PSG5: variants seen among roughly 807,000 people sequenced by gnomAD.
The protein encoded by PSG5 is pregnancy specific beta-1-glycoprotein 5.
Under a neutral mutation model 37.7 loss-of-function variants are expected in PSG5, and 53 were observed. The observed-to-expected ratio is 1.41, with a 90% CI of 1.13 to 1.77. PSG5 has a LOEUF of 1.77. Ranked by LOEUF, PSG5 falls within the 40% of genes most tolerant of loss-of-function variation. The pLI, the probability that PSG5 is intolerant of heterozygous loss-of-function variation, is 0.00. For synonymous variants in PSG5, 221 were observed against 155.4 expected (o/e 1.42, Z -3.14); for missense variants, 547 against 405.2 (o/e 1.35, Z -3.00).
intron 2 of PSG5, among the ~76,000 whole-genome samples, chr19:43,176,715 T>C (rs62115018): frequency 1.3e-5 from 2 of 150,440 alleles, no homozygotes; most frequent in Admixed American, 6.7e-5. Context: ...AGTTCAGTCA[T>C]CAGCCAGTGG....
At chr19:43,183,459 G>A (rs765463771) in intron 2 of PSG5, 1 of 529,782 alleles carries the variant, frequency 1.9e-6, no homozygotes, top group South Asian at 1.4e-5. Context: ...CTGGGCCTGT[G>A]CTGGAGCAGG....
At chr19:43,177,127 T>A (rs1365513633) in intron 2 of PSG5, among the ~76,000 whole-genome samples, 2 of 151,594 alleles carry the variant, frequency 1.3e-5, no homozygotes, top group African/African-American at 4.9e-5. Context: ...ATTCGACTAC[T>A]CTAGGGACCT....
chr19:43,174,520 A>G, intron 4 of PSG5: 1 of 801,970 alleles, frequency 1.2e-6, no homozygotes, highest in South Asian at 5.6e-5. Context: ...AACCTCATAC[A>G]ACCGGTGACT....
Position 43,185,267 on chromosome 19 carries a change from A to AAC in PSG5, c.65-122_65-121dup, listed in dbSNP as rs374205959. On this transcript the variant is annotated intron_variant, in intron 1 of 5. Transcript: ENST00000342951. ...AGCCTTGAAGACACACACACACACA[A>AAC]ACACACACACACACAAAAGGTGCAT... 9.3e-4 allele frequency: 1,103 copies of AAC among 1,182,958 alleles called. 14 individuals carry two copies. The African/African-American group carries it at 0.013, about 14-fold the overall frequency. 73.3% of individuals were successfully genotyped at this position (1,182,958 alleles called of 1,614,324 possible).
chr19:43,182,733 G>A (rs1304963710), intron 2 of PSG5, among the ~76,000 whole-genome samples: 1 of 97,462 alleles, frequency 1.0e-5, no homozygotes, highest in African/African-American at 4.2e-5. Context: ...TGTGCAGGAG[G>A]CCAGAAGATC....
At position 43,175,335 on chromosome 19, in the gene PSG5, A is replaced by G; in HGVS notation, c.844T>C (p.Ser282Pro). Reference protein sequence around the residue: ...FWTINGKFQQSGQKLSIPQIT... With the variant: ...FWTINGKFQQPGQKLSIPQIT... Reference sequence around the variant, plus strand: ...TGGGGGATAGAGAGCTTTTGTCCTGATTGCTGAAACTTCCCATTAATTGTC... The same window carrying G: ...TGGGGGATAGAGAGCTTTTGTCCTGGTTGCTGAAACTTCCCATTAATTGTC... Residue 282 changes from serine to proline, a missense_variant, in exon 4 of 6, where the codon TCA (serine) becomes CCA (proline). Ser to Pro is a moderately conservative substitution (Grantham distance 74). Transcript: ENST00000342951. 2 of 1,612,784 alleles carry G rather than the reference A, an allele frequency of 1.2e-6. No individual in the cohort carries two copies. The highest frequency in any genetic ancestry group is 4.5e-5 in the East Asian group (2 of 44,876).
intron 5 of PSG5, among the ~76,000 whole-genome samples, chr19:43,169,449 G>A (rs1968857050): frequency 1.3e-5 from 2 of 151,552 alleles, no homozygotes; most frequent in Admixed American, 6.6e-5. Flanking sequence ...ACATAGCATT[G>A]GAACTAAGAA....
intron 4 of PSG5, among the ~76,000 whole-genome samples, chr19:43,171,821 A>G (rs910537859): frequency 1.3e-5 from 2 of 151,174 alleles, no homozygotes; most frequent in African/African-American, 4.9e-5. Flanking sequence ...ATAAAAAACC[A>G]ATTAACTGGG....
chr19:43,173,525 A>G (rs1328521624), intron 4 of PSG5, among the ~76,000 whole-genome samples: 1 of 151,668 alleles, frequency 6.6e-6, no homozygotes, highest in African/African-American at 2.4e-5. Flanking sequence ...CAAAAACCCA[A>G]TTAAAAAATG....
At chr19:43,176,990 G>A (rs185502686) in intron 2 of PSG5, among the ~76,000 whole-genome samples, 1 of 151,704 alleles carries the variant, frequency 6.6e-6, no homozygotes, top group Non-Finnish European at 1.5e-5. Context: ...TGGTAGAAAG[G>A]GTGGGAATGA....
intron 1 of PSG5, among the ~76,000 whole-genome samples, chr19:43,185,434 C>G (rs925678757): frequency 1.5e-4 from 22 of 147,262 alleles, no homozygotes; most frequent in South Asian, 6.3e-4. Context: ...ACGGCACCCC[C>G]CCCCCCCCAC....
intron 4 of PSG5, chr19:43,174,344 T>C (rs1292615846): frequency 3.2e-6 from 2 of 625,116 alleles, no homozygotes; most frequent in Non-Finnish European, 4.0e-6. Context: ...GTAAGTCTTA[T>C]ATTAGATATA....
In PSG5 at chr19:43,180,752, A is replaced by G. The variant is rs1395810258; in HGVS notation, c.430+4030T>C. Among the ~76,000 whole-genome samples, 7 of 151,710 alleles carry G rather than the reference A, an allele frequency of 4.6e-5. 1 individual carries two copies. Among genetic ancestry groups the G allele is most frequent in the African/African-American group, 1.7e-4 (7 of 41,262 alleles). ...GTGCCGTGAATTCCAGCAGGATCAC[A>G]TTATGCTCAAAGAAAGACGCCAAAG... On this transcript the variant is annotated intron_variant, in intron 2 of 5. Transcript: ENST00000342951.
At chr19:43,171,845 A>C (rs1441487478) in intron 4 of PSG5, among the ~76,000 whole-genome samples, 2 of 151,002 alleles carry the variant, frequency 1.3e-5, no homozygotes, top group Non-Finnish European at 3.0e-5. Context: ...GTTGACATGA[A>C]CCTGTAGTCA....
rs747002357 is a variant in PSG5 at position 43,184,989 on chromosome 19, G to A, written c.223C>T (p.Leu75Phe). Reference sequence around the variant, plus strand: ...ACATATGATGTAATGTAATGGTAGAGGTCCATCAGTTGTCCTTTGTACCAG... The same window carrying A: ...ACATATGATGTAATGTAATGGTAGAAGTCCATCAGTTGTCCTTTGTACCAG... ...YIWYKGQLMD[L>F]YHYITSYVVD... is the part of the protein sequence containing the mutation. Residue 75 changes from leucine (L) to phenylalanine (F), a missense_variant, in exon 2 of 6, where the codon CTC (leucine) becomes TTC (phenylalanine). Coordinates refer to ENST00000342951, the MANE Select transcript of PSG5 (RefSeq NM_002781.4). 3.1e-6 allele frequency: 5 copies of A among 1,612,530 alleles called. No homozygotes were observed. In the South Asian group the frequency reaches 3.3e-5, roughly 11 times the overall value.
At chr19:43,182,412 G>A (rs1969147401) in intron 2 of PSG5, among the ~76,000 whole-genome samples, 2 of 151,484 alleles carry the variant, frequency 1.3e-5, no homozygotes, top group African/African-American at 2.4e-5. Context: ...TTGCATTCTG[G>A]CAACCGGCTG....
At chr19:43,182,700 C>A (rs1599754585) in intron 2 of PSG5, among the ~76,000 whole-genome samples, 6 of 59,126 alleles carry the variant, frequency 1.0e-4, no homozygotes, top group East Asian at 1.5e-3. Context: ...ACCAACATTT[C>A]AATAATTTTT....
At chr19:43,181,935 T>G (rs1458987357) in intron 2 of PSG5, among the ~76,000 whole-genome samples, 1 of 151,568 alleles carries the variant, frequency 6.6e-6, no homozygotes, top group African/African-American at 2.4e-5. Context: ...AGTGAAACAG[T>G]TGAAATGAGT....
chr19:43,171,585 T>C, intron 4 of PSG5: 1 of 462,528 alleles, frequency 2.2e-6, no homozygotes, highest in African/African-American at 2.1e-5. Context: ...AACCAAAAGT[T>C]GATTCTTCAA....
Sources: allele counts gnomAD v4.1 joint callset (sites outside exome capture counted in the v4.1 genomes callset), GRCh38; gene constraint gnomAD v4.1.1; transcripts MANE v1.5; gene names NCBI Gene and HGNC (gene_info 2026-07-23, HGNC 2026-07-21).